GALNT17: variants seen among roughly 807,000 people sequenced by gnomAD.
GALNT17 encodes the protein UDP-GalNAc:polypeptide N-acetylgalactosaminyltransferase-like 3.
Under a neutral mutation model 63.7 loss-of-function variants are expected in GALNT17, and 29 were observed. The observed-to-expected ratio is 0.46, with a 90% confidence interval of 0.34 to 0.62. The LOEUF is 0.62. Among genes scored for constraint, GALNT17 ranks in the 20% least tolerant of loss-of-function variants. The pLI, the probability that GALNT17 is intolerant of heterozygous loss-of-function variation, is 0.01. For missense variants in GALNT17, 603 were observed against 799.6 expected, an observed-to-expected ratio of 0.75 and a Z score of 2.97; for synonymous variants, 305 against 318.3, an observed-to-expected ratio of 0.96 and a Z score of 0.45.
At chr7:71,688,465 G>A (rs1791395203) in intron 9 of GALNT17, among the ~76,000 whole-genome samples, 1 of 152,108 alleles carries the variant, frequency 6.6e-6, no homozygotes, top group Non-Finnish European at 1.5e-5. Context: ...AGGCTTTGGG[G>A]GACCCAGGCC....
At chr7:71,143,900 C>T (rs1415191052) in intron 1 of GALNT17, among the ~76,000 whole-genome samples, 2 of 151,718 alleles carry the variant, frequency 1.3e-5, no homozygotes, top group African/African-American at 4.8e-5. Context: ...AAGAGTGCAG[C>T]AGTGGGTATA....
At chr7:71,457,682 G>A (rs773483334) in intron 5 of GALNT17, among the ~76,000 whole-genome samples, 6 of 152,122 alleles carry the variant, frequency 3.9e-5, no homozygotes, top group Non-Finnish European at 5.9e-5. Flanking sequence ...GGAGCATAGC[G>A]GTGAAAATGA....
At chr7:71,694,291 G>T (rs1325684497) in intron 9 of GALNT17, among the ~76,000 whole-genome samples, 1 of 152,030 alleles carries the variant, frequency 6.6e-6, no homozygotes, top group Admixed American at 6.6e-5. Context: ...GATGAGATTT[G>T]GGTGGGGACA....
At chr7:71,653,853 C>T (rs972007456) in intron 6 of GALNT17, among the ~76,000 whole-genome samples, 1 of 152,152 alleles carries the variant, frequency 6.6e-6, no homozygotes. Context: ...TGGACATGAC[C>T]TCCTCCAGAC....
At chr7:71,540,727 C>G (rs915030842) in intron 5 of GALNT17, among the ~76,000 whole-genome samples, 1 of 151,954 alleles carries the variant, frequency 6.6e-6, no homozygotes, top group Non-Finnish European at 1.5e-5. Flanking sequence ...CTATTTAATC[C>G]TAGAGCATGA....
intron 5 of GALNT17, among the ~76,000 whole-genome samples, chr7:71,517,399 C>T (rs1445871976): frequency 6.6e-6 from 1 of 152,194 alleles, no homozygotes; most frequent in Non-Finnish European, 1.5e-5. Flanking sequence ...TGGGTGTTAG[C>T]ACTTCAATAT....
chr7:71,543,269 C>G (rs928686024), intron 5 of GALNT17, among the ~76,000 whole-genome samples: 5 of 152,050 alleles, frequency 3.3e-5, no homozygotes, highest in African/African-American at 9.7e-5. Flanking sequence ...TGTTACCAAA[C>G]AAAAGGGTCT....
chr7:71,707,262 A>G (rs937171370), intron 9 of GALNT17, among the ~76,000 whole-genome samples: 5 of 152,194 alleles, frequency 3.3e-5, no homozygotes, highest in African/African-American at 9.6e-5. Flanking sequence ...CGTTTTGAGC[A>G]CTTGGTCTGT....
chr7:71,142,014 G>C (rs1787905469), intron 1 of GALNT17, among the ~76,000 whole-genome samples: 1 of 122,394 alleles, frequency 8.2e-6, no homozygotes, highest in African/African-American at 3.1e-5. Flanking sequence ...ACATTTGGCT[G>C]TGTGTGTGTG....
At chr7:71,696,929 A>C (rs1439869433) in intron 9 of GALNT17, among the ~76,000 whole-genome samples, 1 of 152,212 alleles carries the variant, frequency 6.6e-6, no homozygotes, top group African/African-American at 2.4e-5. Flanking sequence ...ATAGCAAAGA[A>C]AGACACATTT....
chr7:71,164,087 G>A (rs1409785899), intron 1 of GALNT17, among the ~76,000 whole-genome samples: 1 of 152,192 alleles, frequency 6.6e-6, no homozygotes, highest in African/African-American at 2.4e-5. Flanking sequence ...AACCTTGGGA[G>A]ACAGTGCTGC....
intron 1 of GALNT17, among the ~76,000 whole-genome samples, chr7:71,189,977 A>G (rs1788921012): frequency 6.6e-6 from 1 of 151,718 alleles, no homozygotes; most frequent in Admixed American, 6.6e-5. Flanking sequence ...CGCCTGGCTA[A>G]TTTTTTTGTA....
At position 71,299,605 on chromosome 7, in the gene GALNT17, C is replaced by T. The variant is rs183234032; in HGVS notation, c.239-35945C>T. Among the ~76,000 whole-genome samples, 300 of 151,980 alleles carry T rather than the reference C, an allele frequency of 2.0e-3. 1 individual carries two copies. Among genetic ancestry groups the T allele is most frequent in the Admixed American group, 5.9e-3 (90 of 15,274 alleles). On this transcript the variant is annotated intron_variant, in intron 1 of 10. Transcript: ENST00000333538. ...GTCCTGAGAACACAGTCCTGGCCCT[C>T]GTGGGATGTATAGACATTGCCACTG...
intron 1 of GALNT17, among the ~76,000 whole-genome samples, chr7:71,243,211 C>T (rs9654904): frequency 0.075 from 11,399 of 152,192 alleles, 735 homozygotes; most frequent in East Asian, 0.33. Flanking sequence ...CCATGTGAGA[C>T]GTGCTTCTTC....
At chr7:71,241,527 T>A (rs1789996587) in intron 1 of GALNT17, among the ~76,000 whole-genome samples, 1 of 152,218 alleles carries the variant, frequency 6.6e-6, no homozygotes, top group Non-Finnish European at 1.5e-5. Context: ...ATTTCCAATT[T>A]TGCTCTTAAA....
intron 6 of GALNT17, among the ~76,000 whole-genome samples, chr7:71,656,681 C>A (rs915994404): frequency 1.3e-5 from 2 of 151,802 alleles, no homozygotes; most frequent in African/African-American, 4.8e-5. Context: ...ATCTGGTGGT[C>A]ATAGTGGATG....
chr7:71,149,220 A>G (rs1010430539), intron 1 of GALNT17, among the ~76,000 whole-genome samples: 1 of 152,158 alleles, frequency 6.6e-6, no homozygotes, highest in Non-Finnish European at 1.5e-5. Context: ...CGCCTGGCTA[A>G]TACACAGCTA....
chr7:71,584,502 A>G (rs1256010641), intron 6 of GALNT17, among the ~76,000 whole-genome samples: 3 of 152,178 alleles, frequency 2.0e-5, no homozygotes. Context: ...TTCCATCTAT[A>G]AATACTTTAC....
chr7:71,164,039 G>A (rs1263464046), intron 1 of GALNT17, among the ~76,000 whole-genome samples: 2 of 152,166 alleles, frequency 1.3e-5, no homozygotes, highest in Admixed American at 1.3e-4. Context: ...TTCTGTTATC[G>A]AGGAAAGAGC....
Sources: allele counts gnomAD v4.1 joint callset (sites outside exome capture counted in the v4.1 genomes callset), GRCh38; gene constraint gnomAD v4.1.1; transcripts MANE v1.5; gene names NCBI Gene and HGNC (gene_info 2026-07-23, HGNC 2026-07-21).